Variants in UNC13B observed in about 807,000 individuals in gnomAD.
UNC13B encodes the protein unc-13 homolog B.
A neutral mutation model predicts 211.0 loss-of-function variants in UNC13B; 144 were observed. The ratio of observed to expected loss-of-function variants is 0.68; its 90% confidence interval spans 0.60 to 0.78. UNC13B has a LOEUF of 0.78. Ranked by LOEUF, UNC13B falls within the 30% of genes least tolerant of loss-of-function variation. The pLI, the probability that UNC13B is intolerant of heterozygous loss-of-function variation, is 0.00. For missense variants in UNC13B, 1,777 were observed against 2,002.0 expected (o/e 0.89, Z 2.14); for synonymous variants, 709 against 725.8 (o/e 0.98, Z 0.37).
At chr9:35,202,722 T>C (rs1298128215) in intron 1 of UNC13B, among the ~76,000 whole-genome samples, 1 of 151,948 alleles carries the variant, frequency 6.6e-6, no homozygotes, top group Non-Finnish European at 1.5e-5. Context: ...CTCCATCCCT[T>C]TATTTTGAGC....
chr9:35,316,511 G>A (rs1024101131), intron 11 of UNC13B, among the ~76,000 whole-genome samples: 6 of 141,920 alleles, frequency 4.2e-5, no homozygotes, highest in East Asian at 1.9e-4. Flanking sequence ...ATAGATGTGC[G>A]TGTGTGTGTT....
chr9:35,370,475 G>A (rs1834048294), intron 13 of UNC13B, 79 bp downstream of exon 13: 2 of 1,375,828 alleles, frequency 1.5e-6, no homozygotes, highest in Admixed American at 3.6e-5. Context: ...TGTCAGGATT[G>A]GAAGTCGTCC....
At chr9:35,313,833 G>A (rs1010422418) in intron 10 of UNC13B, 66 bp from the exon 11 acceptor site, 11 of 1,282,220 alleles carry the variant, frequency 8.6e-6, no homozygotes, top group Non-Finnish European at 1.3e-5. Flanking sequence ...TGGCAGTCTT[G>A]CCTTGAGCAG....
intron 1 of UNC13B, among the ~76,000 whole-genome samples, chr9:35,165,798 A>G (rs1043161764): frequency 8.5e-5 from 13 of 152,236 alleles, no homozygotes; most frequent in Non-Finnish European, 1.3e-4. Context: ...ATAAAGAAAT[A>G]TAAGTCTTTA....
At chr9:35,213,574 G>C (rs557429980) in intron 1 of UNC13B, among the ~76,000 whole-genome samples, 9 of 152,310 alleles carry the variant, frequency 5.9e-5, no homozygotes, top group African/African-American at 2.2e-4. Flanking sequence ...TGGCTTCCTG[G>C]TGACAAGAGA....
Position 35,376,078 on chromosome 9 carries a change from G to C in UNC13B, c.9666G>C (p.Ser3222=). 6.2e-7 allele frequency: 1 copy of C among 1,614,210 alleles called. No homozygotes were observed. Among genetic ancestry groups the C allele is most frequent in the Non-Finnish European group, 8.5e-7 (1 of 1,180,038 alleles). The change falls in exon 15 of 40, where the codon TCG becomes TCC. Residue 3222 remains serine, a synonymous_variant. Coordinates refer to ENST00000635942, the MANE Select transcript of UNC13B (RefSeq NM_001371189.2). ...TGCAGGCCTTAATCTACCCCATTTC[G>C]TGCACCACTCCTCATAACTTTGAGG... ...KTLQALIYPI[S]CTTPHNFEVW...
chr9:35,201,063 C>G (rs1389970514), intron 1 of UNC13B, among the ~76,000 whole-genome samples: 1 of 152,046 alleles, frequency 6.6e-6, no homozygotes. Context: ...TGAATTTTGT[C>G]GAAGGCCTTT....
chr9:35,233,769 A>G (rs1007463576), intron 3 of UNC13B, among the ~76,000 whole-genome samples: 8 of 152,102 alleles, frequency 5.3e-5, no homozygotes. Context: ...ATTTGTGTGC[A>G]TTTGTGTAGC....
chr9:35,341,502 G>A (rs1383187178), intron 11 of UNC13B, among the ~76,000 whole-genome samples: 1 of 152,202 alleles, frequency 6.6e-6, no homozygotes, highest in African/African-American at 2.4e-5. Context: ...TTGTGCTCCA[G>A]CAGTTCCACG....
In UNC13B at chr9:35,296,060, G is replaced by C. The variant is rs561559639; in HGVS notation, c.761+130G>C. 3.3e-5 allele frequency: 25 copies of C among 758,820 alleles called. 1 individual carries two copies. The South Asian group carries it at 3.4e-4, about 10-fold the overall frequency. 47.0% of individuals were successfully genotyped at this position (758,820 alleles called of 1,614,324 possible). A position where few individuals can be genotyped will look rare whatever the true frequency, so the allele number is the denominator to read the frequency against. On this transcript the variant is annotated intron_variant, in intron 8 of 39. Transcript: ENST00000635942. Reference sequence around the variant, plus strand: ...TAGCAGTATCACCGGCCAAACTACAGTCATTTTGTGTAGATTATTAGTCTT... The same window carrying C: ...TAGCAGTATCACCGGCCAAACTACACTCATTTTGTGTAGATTATTAGTCTT...
intron 11 of UNC13B, among the ~76,000 whole-genome samples, chr9:35,328,214 G>A (rs917615311): frequency 7.9e-5 from 12 of 152,054 alleles, no homozygotes; most frequent in Admixed American, 1.3e-4. Context: ...AGTAGAGATG[G>A]GGTTTGACCG....
intron 11 of UNC13B, among the ~76,000 whole-genome samples, chr9:35,365,099 G>A (rs554964707): frequency 6.6e-6 from 1 of 152,332 alleles, no homozygotes; most frequent in Admixed American, 6.5e-5. Flanking sequence ...TTGAGCACAG[G>A]CTTCTGTAGC....
chr9:35,316,370 G>A (rs141353397), intron 11 of UNC13B, among the ~76,000 whole-genome samples: 34 of 152,086 alleles, frequency 2.2e-4, no homozygotes, highest in African/African-American at 6.8e-4. Flanking sequence ...TGCTCAAATC[G>A]TTCTGGCTTC....
chr9:35,199,356 C>T (rs577973013), intron 1 of UNC13B, among the ~76,000 whole-genome samples: 3 of 152,042 alleles, frequency 2.0e-5, no homozygotes, highest in Admixed American at 1.3e-4. Context: ...GGGTATATGC[C>T]GAGTAATGGG....
At chr9:35,342,413 G>T (rs182433195) in intron 11 of UNC13B, 157 of 951,954 alleles carry the variant, frequency 1.6e-4, no homozygotes, top group Admixed American at 1.4e-3. Flanking sequence ...TTTGTGGGTG[G>T]AATATGGAGC....
chr9:35,249,786 C>T (rs1826348052), intron 6 of UNC13B, among the ~76,000 whole-genome samples: 1 of 152,172 alleles, frequency 6.6e-6, no homozygotes, highest in Non-Finnish European at 1.5e-5. Flanking sequence ...CTGCCCTTAA[C>T]ATTATTTCCT....
chr9:35,334,427 CT>C (rs1465369997), intron 11 of UNC13B, among the ~76,000 whole-genome samples: 1 of 152,334 alleles, frequency 6.6e-6, no homozygotes, highest in Non-Finnish European at 1.5e-5. Context: ...CCCAGCTTGG[CT>C]TATCAAGGTA....
intron 1 of UNC13B, among the ~76,000 whole-genome samples, chr9:35,190,461 T>C (rs1165203028): frequency 6.6e-6 from 1 of 152,184 alleles, no homozygotes; most frequent in Non-Finnish European, 1.5e-5. Context: ...GATAACACAA[T>C]GCAAAACAGA....
At chr9:35,181,269 T>G (rs1024042664) in intron 1 of UNC13B, among the ~76,000 whole-genome samples, 1 of 152,206 alleles carries the variant, frequency 6.6e-6, no homozygotes, top group Non-Finnish European at 1.5e-5. Flanking sequence ...ATCTTTGTTT[T>G]TCTATGTTTC....
Sources: allele counts gnomAD v4.1 joint callset (sites outside exome capture counted in the v4.1 genomes callset), GRCh38; gene constraint gnomAD v4.1.1; transcripts MANE v1.5; gene names NCBI Gene and HGNC (gene_info 2026-07-23, HGNC 2026-07-21).